ATP11B: variants seen among roughly 807,000 people sequenced by gnomAD.
ATP11B encodes phospholipid-transporting ATPase IF.
ATP11B carries 81 observed loss-of-function variants against 157.8 expected under a neutral mutation model. The ratio of observed to expected loss-of-function variants is 0.51; its 90% confidence interval spans 0.43 to 0.62. The LOEUF is 0.62. Ranked by LOEUF, ATP11B falls within the 20% of genes least tolerant of loss-of-function variation. The pLI, the probability that ATP11B is intolerant of heterozygous loss-of-function variation, is 0.00. For missense variants in ATP11B, 1,165 were observed against 1,402.2 expected (o/e 0.83, Z 2.70); for synonymous variants, 451 against 469.4 (o/e 0.96, Z 0.51).
chr3:182,811,378 C>T (rs1716654430), intron 1 of ATP11B, among the ~76,000 whole-genome samples: 1 of 152,106 alleles, frequency 6.6e-6, no homozygotes, highest in Non-Finnish European at 1.5e-5. Flanking sequence ...AGTTGTGATG[C>T]TCATAGGACA....
chr3:182,893,722 G>A (rs1723331447), intron 25 of ATP11B, among the ~76,000 whole-genome samples: 1 of 152,144 alleles, frequency 6.6e-6, no homozygotes, highest in Non-Finnish European at 1.5e-5. Context: ...TGGGATTGCT[G>A]GATCAAATGG....
At chr3:182,905,814 A>G (rs1560128993) in intron 28 of ATP11B, 1 of 456,642 alleles carries the variant, frequency 2.2e-6, no homozygotes, top group African/African-American at 2.0e-5. Context: ...ATAAGGGTTC[A>G]GTCAGCTCAG....
In ATP11B at chr3:182,897,409, G is replaced by A; in HGVS notation, c.3152+3G>A. 6.6e-7 allele frequency: 1 copy of A among 1,508,136 alleles called. No homozygotes were observed. The allele number at this position is 1,508,136 out of a possible 1,614,324, so 93.4% of individuals were successfully genotyped here. On this transcript the variant is annotated splice_donor_region_variant and intron_variant, in intron 27 of 29. Transcript: ENST00000323116. Reference sequence around the variant, plus strand: ...TTGTTTTATGGAGGGATTCTCTGGTGAGTGAATATATTGTATTTTAATTGG... The same window carrying A: ...TTGTTTTATGGAGGGATTCTCTGGTAAGTGAATATATTGTATTTTAATTGG...
At chr3:182,836,746 AC>A in intron 6 of ATP11B, 1 of 488,800 alleles carries the variant, frequency 2.0e-6, no homozygotes, top group Non-Finnish European at 3.6e-6. Context: ...AAGATAAGGG[AC>A]AAATTTATAT....
rs1051381694 is a variant in ATP11B at position 182,836,453 on chromosome 3, G to A, written c.535G>A (p.Gly179Arg). 5 of 1,613,868 alleles carry A rather than the reference G, an allele frequency of 3.1e-6. No individual in the cohort carries two copies. The highest frequency in any genetic ancestry group is 3.4e-6 in the Non-Finnish European group (4 of 1,179,834). ...TCACGTTACAACTGCTAGTTTGGAC[G>A]GAGAAACTAACCTGAAGGTTTGCTT... is the stretch of plus-strand genomic sequence containing the variant. Reference protein sequence around the residue: ...SCHVTTASLDGETNLKTHVAV... With the variant: ...SCHVTTASLDRETNLKTHVAV... The change falls in exon 6 of 30, where the codon GGA becomes AGA. Residue 179 changes from glycine to arginine, a missense_variant. Gly to Arg is a moderately radical substitution (Grantham distance 125, BLOSUM62 -2). Transcript: ENST00000323116.
chr3:182,812,017 C>T (rs1405903948), intron 1 of ATP11B, among the ~76,000 whole-genome samples: 1 of 152,114 alleles, frequency 6.6e-6, no homozygotes, highest in Non-Finnish European at 1.5e-5. Context: ...TATCTTCCAT[C>T]CACCTTTTTT....
At position 182,897,375 on chromosome 3, in the gene ATP11B, G is replaced by C; in HGVS notation, c.3121G>C (p.Val1041Leu). 1 of 1,587,844 alleles carries C rather than the reference G, an allele frequency of 6.3e-7. No homozygotes were observed. Among genetic ancestry groups the C allele is most frequent in the Non-Finnish European group, 8.5e-7 (1 of 1,171,454 alleles). Residue 1041 changes from valine (V) to leucine (L), a missense_variant, in exon 27 of 30, where the codon GTA becomes CTA. This residue lies in a region of ATP11B where 303 missense variants were observed against 296.3 expected (regional missense o/e 1.02). Coordinates refer to ENST00000323116, the MANE Select transcript of ATP11B (RefSeq NM_014616.3). ...CTGGGGATCTATTATATTTTATTTT[G>C]TATTTTCCTTGTTTTATGGAGGGAT... ...VTWGSIIFYF[V>L]FSLFYGGILW...
chr3:182,868,142 T>A (rs537159829), intron 15 of ATP11B, among the ~76,000 whole-genome samples: 7 of 152,152 alleles, frequency 4.6e-5, no homozygotes, highest in Non-Finnish European at 8.8e-5. Flanking sequence ...GTTTTATAGG[T>A]TCTTCTCACT....
chr3:182,913,799 C>T (rs1462736684), intron 28 of ATP11B, 62 bp from the exon 29 acceptor site: 9 of 1,612,502 alleles, frequency 5.6e-6, no homozygotes, highest in Non-Finnish European at 6.8e-6. Flanking sequence ...TTGTAATGTT[C>T]TAATGCTTTT....
intron 26 of ATP11B, 112 bp downstream of exon 26, chr3:182,896,877 C>A: frequency 2.7e-6 from 2 of 729,844 alleles, no homozygotes; most frequent in South Asian, 4.3e-5. Context: ...TTTTCAATAA[C>A]GATTAATTTC....
intron 1 of ATP11B, 33 bp downstream of exon 1, chr3:182,793,819 C>G: frequency 7.6e-7 from 1 of 1,308,164 alleles, no homozygotes; most frequent in Non-Finnish European, 9.8e-7. Context: ...CTCCATTCGT[C>G]CGCCCCCGCG....
intron 15 of ATP11B, among the ~76,000 whole-genome samples, chr3:182,868,433 T>C (rs1389734799): frequency 6.6e-6 from 1 of 151,272 alleles, no homozygotes; most frequent in Non-Finnish European, 1.5e-5. Flanking sequence ...AACTCACTGT[T>C]TTTCTTGGAG....
chr3:182,820,748 ATT>A (rs1717288611), intron 2 of ATP11B, among the ~76,000 whole-genome samples: 1 of 152,142 alleles, frequency 6.6e-6, no homozygotes, highest in South Asian at 2.1e-4. Context: ...GTGTGTATTT[ATT>A]TATATCCTTA....
At chr3:182,845,319 T>G (rs1357953681) in intron 8 of ATP11B, 139 bp from the exon 9 acceptor site, 2 of 671,596 alleles carry the variant, frequency 3.0e-6, no homozygotes, top group African/African-American at 3.9e-5. Flanking sequence ...TGGGCAGCTT[T>G]ATAGTAGCTG....
In ATP11B at chr3:182,913,891, T is replaced by C. The variant is rs1006090597; in HGVS notation, c.3349T>C (p.Leu1117=). 1.2e-6 allele frequency: 2 copies of C among 1,614,152 alleles called. No homozygotes were observed. The highest frequency in any genetic ancestry group is 1.3e-5 in the African/African-American group (1 of 75,062). Residue 1117 remains leucine, a synonymous_variant, in exon 29 of 30, where the codon TTG becomes CTG. Coordinates refer to ENST00000323116, the MANE Select transcript of ATP11B (RefSeq NM_014616.3). The part of the protein sequence containing the change: ...LTETNAGIKC[L]DSMCCFPEGE... ...TGAAACAAATGCAGGTATCAAGTGCTTGGACTCCATGTGCTGTTTCCCGGA... is the reference window on the plus strand; with the variant it reads ...TGAAACAAATGCAGGTATCAAGTGCCTGGACTCCATGTGCTGTTTCCCGGA...
chr3:182,891,243 G>A (rs1384028325), intron 25 of ATP11B, among the ~76,000 whole-genome samples: 1 of 152,090 alleles, frequency 6.6e-6, no homozygotes, highest in Non-Finnish European at 1.5e-5. Flanking sequence ...AAGGAAATTT[G>A]GATCTTCATC....
In ATP11B at chr3:182,793,668, G is replaced by T. The variant is rs1338210450; in HGVS notation, c.-92G>T. On this transcript the variant is annotated 5_prime_UTR_variant, in exon 1 of 30. Coordinates refer to ENST00000323116, the MANE Select transcript of ATP11B (RefSeq NM_014616.3). ...CGGTAAGCGGAACTTCGGCCCGAGG[G>T]GCTCGCCCGCTCCCGCCTCTGTCTT... 1.2e-6 allele frequency: 1 copy of T among 840,484 alleles called. No individual in the cohort carries two copies. The highest frequency in any genetic ancestry group is 2.1e-5 in the South Asian group (1 of 47,446). 52.1% of individuals were successfully genotyped at this position (840,484 alleles called of 1,614,324 possible).
At chr3:182,884,730 G>A (rs1019763363) in intron 21 of ATP11B, 23 bp from the exon 22 acceptor site, 2 of 1,571,290 alleles carry the variant, frequency 1.3e-6, no homozygotes, top group Non-Finnish European at 1.7e-6. Context: ...CAGTGAACAT[G>A]TCTTTTGTCC....
At chr3:182,879,456 C>T (rs763018535) in intron 19 of ATP11B, 40 bp from the exon 20 acceptor site, 9 of 1,526,682 alleles carry the variant, frequency 5.9e-6, no homozygotes, top group Non-Finnish European at 8.8e-7. Context: ...AATATGGCTT[C>T]AAAGTATCTT....
Sources: gnomAD v4.1 joint callset for allele counts (sites outside exome capture counted in the v4.1 genomes callset) on GRCh38, gnomAD v4.1.1 for gene constraint, gnomAD v4.1.1 regional missense constraint, MANE v1.5 for transcripts, NCBI Gene and HGNC (gene_info 2026-07-23, HGNC 2026-07-21) for gene names.